The following SHLD1 variants were observed in gnomAD, a reference collection of about 807,000 sequenced individuals.
SHLD1 encodes shieldin complex subunit 1.
A neutral mutation model predicts 5.5 loss-of-function variants in SHLD1; 3 were observed. The ratio of observed to expected loss-of-function variants is 0.54; its 90% CI spans 0.25 to 1.40. The LOEUF (loss-of-function observed/expected upper bound fraction) is 1.40, where lower values mean the gene tolerates loss of function less well. SHLD1 is among the 40% of genes most tolerant of loss of function. SHLD1 has a pLI of 0.15. For missense variants in SHLD1, 210 were observed against 244.4 expected, an observed-to-expected ratio of 0.86 and a Z score of 0.94; for synonymous variants, 92 against 94.3, an observed-to-expected ratio of 0.98 and a Z score of 0.14.
intron 2 of SHLD1, among the ~76,000 whole-genome samples, chr20:5,862,591 C>T (rs2122518103): frequency 6.6e-6 from 1 of 152,354 alleles, no homozygotes. Flanking sequence ...GTGGGTACTA[C>T]AGTCCCAAGT....
intron 2 of SHLD1, among the ~76,000 whole-genome samples, chr20:5,800,217 C>G (rs1430101973): frequency 6.6e-6 from 1 of 152,204 alleles, no homozygotes. Flanking sequence ...GCTGCCTGAG[C>G]TACAGCAAAG....
At chr20:5,852,458 G>C (rs116711517) in intron 2 of SHLD1, among the ~76,000 whole-genome samples, 1,490 of 137,502 alleles carry the variant, frequency 0.011, 21 homozygotes, top group African/African-American at 0.042. Flanking sequence ...CTCTCTCTCT[G>C]TCTTTCTTTC....
chr20:5,803,574 T>C (rs2087328961), intron 2 of SHLD1, among the ~76,000 whole-genome samples: 2 of 151,778 alleles, frequency 1.3e-5, no homozygotes, highest in South Asian at 4.2e-4. Flanking sequence ...GATTTAACAT[T>C]TAAAAAAAAA....
intron 2 of SHLD1, among the ~76,000 whole-genome samples, chr20:5,787,108 C>T (rs2087070403): frequency 6.6e-6 from 1 of 152,160 alleles, no homozygotes; most frequent in African/African-American, 2.4e-5. Flanking sequence ...AATTTGTATG[C>T]CTTTCTCCCA....
At chr20:5,808,219 G>T (rs541715950) in intron 2 of SHLD1, among the ~76,000 whole-genome samples, 1 of 150,338 alleles carries the variant, frequency 6.7e-6, no homozygotes, top group African/African-American at 2.5e-5. Flanking sequence ...CACAGAGGTT[G>T]CAGTGAGTCA....
intron 2 of SHLD1, among the ~76,000 whole-genome samples, chr20:5,836,262 A>G (rs889657736): frequency 6.6e-6 from 1 of 152,208 alleles, no homozygotes; most frequent in African/African-American, 2.4e-5. Flanking sequence ...AACAGAGTAG[A>G]TAATTGCACA....
At chr20:5,769,363 G>GATGTTTCTTCATC (rs1985020809) in intron 1 of SHLD1, among the ~76,000 whole-genome samples, 4 of 152,174 alleles carry the variant, frequency 2.6e-5, no homozygotes, top group Admixed American at 2.6e-4. Context: ...TCTTTCTCAT[G>GATGTTTCTTCATC]ATGAAGAAAA....
intron 2 of SHLD1, among the ~76,000 whole-genome samples, chr20:5,847,196 C>G (rs1192982968): frequency 6.6e-6 from 1 of 152,026 alleles, no homozygotes; most frequent in African/African-American, 2.4e-5. Context: ...AATTGCCAAC[C>G]CCTTCTTCCA....
intron 2 of SHLD1, among the ~76,000 whole-genome samples, chr20:5,822,649 A>G (rs2087618868): frequency 6.6e-6 from 1 of 151,674 alleles, no homozygotes; most frequent in Non-Finnish European, 1.5e-5. Flanking sequence ...ACAGTGGGTG[A>G]GTTGTTTATG....
At chr20:5,842,135 G>A (rs1164507845) in intron 2 of SHLD1, among the ~76,000 whole-genome samples, 1 of 152,208 alleles carries the variant, frequency 6.6e-6, no homozygotes, top group Non-Finnish European at 1.5e-5. Context: ...GATCACGTGT[G>A]ATTTGAGATC....
intron 2 of SHLD1, among the ~76,000 whole-genome samples, chr20:5,813,945 C>CTTTTTTTTTTTTTTT (rs143110037): frequency 5.0e-5 from 4 of 79,972 alleles, no homozygotes; most frequent in African/African-American, 9.4e-5. Context: ...CCTTTTCTTT[C>CTTTTTTTTTTTTTTT]TTTTTTTTTT....
At chr20:5,768,450 T>C (rs192694364) in intron 1 of SHLD1, among the ~76,000 whole-genome samples, 1 of 152,368 alleles carries the variant, frequency 6.6e-6, no homozygotes, top group East Asian at 1.9e-4. Context: ...ACTCACTGTG[T>C]TAACAAGGTA....
At chr20:5,832,936 C>T (rs237084) in intron 2 of SHLD1, among the ~76,000 whole-genome samples, 31,329 of 152,050 alleles carry the variant, frequency 0.21, 3,374 homozygotes, top group East Asian at 0.28. Context: ...AGAAGATTTG[C>T]TTTTCCAGGT....
chr20:5,817,563 C>CT (rs2087553102), intron 2 of SHLD1, among the ~76,000 whole-genome samples: 1 of 151,774 alleles, frequency 6.6e-6, no homozygotes, highest in Admixed American at 6.6e-5. Context: ...GTTTAGCTTG[C>CT]TACCAAGGTT....
At chr20:5,810,515 A>T (rs2087443837) in intron 2 of SHLD1, among the ~76,000 whole-genome samples, 1 of 152,074 alleles carries the variant, frequency 6.6e-6, no homozygotes, top group Non-Finnish European at 1.5e-5. Context: ...CTGCCATTGC[A>T]CATATATTTT....
rs188167866 is a variant in SHLD1 at position 5,777,677 on chromosome 20, C to T, written c.178+4634C>T. 2.1e-3 allele frequency among the ~76,000 whole-genome samples: 311 copies of T among 151,370 alleles called. 2 individuals are homozygous for T. Among genetic ancestry groups the T allele is most frequent in the African/African-American group, 7.2e-3 (298 of 41,210 alleles). On this transcript the variant is annotated intron_variant, in intron 2 of 2. Coordinates refer to ENST00000303142, the MANE Select transcript of SHLD1 (RefSeq NM_152504.4). ...CTTGAACTCCTGGGCCCAAGCGATC[C>T]TCCCGCCTCAACCTCTCAGTGTTGG...
At chr20:5,795,027 T>C (rs1179356483) in intron 2 of SHLD1, among the ~76,000 whole-genome samples, 2 of 151,554 alleles carry the variant, frequency 1.3e-5, no homozygotes, top group Non-Finnish European at 2.9e-5. Context: ...TCATCTGAGG[T>C]CAGGAGTTCG....
chr20:5,786,637 A>T (rs2087064027), intron 2 of SHLD1, among the ~76,000 whole-genome samples: 1 of 152,154 alleles, frequency 6.6e-6, no homozygotes, highest in East Asian at 1.9e-4. Context: ...ACTGTAGGTG[A>T]TAAGACCCCC....
chr20:5,839,266 T>C (rs986431565), intron 2 of SHLD1, among the ~76,000 whole-genome samples: 16 of 152,268 alleles, frequency 1.1e-4, no homozygotes, highest in Non-Finnish European at 2.2e-4. Flanking sequence ...CTCAAAATTA[T>C]AATCTTTTAA....
Sources: allele counts gnomAD v4.1 joint callset (sites outside exome capture counted in the v4.1 genomes callset), GRCh38; gene constraint gnomAD v4.1.1; transcripts MANE v1.5; gene names NCBI Gene and HGNC (gene_info 2026-07-23, HGNC 2026-07-21).